Variants in EDNRA observed in about 807,000 individuals in gnomAD.
The protein encoded by EDNRA is endothelin receptor type A.
In EDNRA, 11 loss-of-function variants were observed where a neutral mutation model predicts 41.4. That is an observed-to-expected ratio of 0.27 (90% CI 0.17 to 0.44). The LOEUF (loss-of-function observed/expected upper bound fraction) is 0.44. Among genes scored for constraint, EDNRA ranks in the 20% least tolerant of loss-of-function variants. EDNRA has a pLI of 1.00. For synonymous variants in EDNRA, 172 were observed against 183.0 expected, an observed-to-expected ratio of 0.94 and a Z score of 0.49; for missense variants, 294 against 531.0, an observed-to-expected ratio of 0.55 and a Z score of 4.39.
intron 2 of EDNRA, chr4:147,491,886 T>G (rs1434675341): frequency 5.9e-5 from 9 of 152,256 alleles, no homozygotes; most frequent in African/African-American, 2.2e-4. Context: ...GTATTCCAGC[T>G]AGATGTTTTC....
At chr4:147,510,994 C>T (rs1560904748) in intron 2 of EDNRA, among the ~76,000 whole-genome samples, 2 of 152,112 alleles carry the variant, frequency 1.3e-5, no homozygotes, top group South Asian at 4.1e-4. Flanking sequence ...CTAGTTCTAG[C>T]CTAACATTTC....
chr4:147,536,473 G>T (rs746016352), intron 5 of EDNRA, among the ~76,000 whole-genome samples: 3 of 152,208 alleles, frequency 2.0e-5, no homozygotes, highest in Admixed American at 2.0e-4. Context: ...GCCAGGAAGG[G>T]TATGAGATAG....
chr4:147,519,006 C>G lies in EDNRA; in HGVS notation c.421-845C>G, dbSNP rs1232386772. Among the ~76,000 whole-genome samples, 1 of 152,122 alleles carries G rather than the reference C, an allele frequency of 6.6e-6. No individual in the cohort carries two copies. Among genetic ancestry groups the G allele is most frequent in the Admixed American group, 6.5e-5 (1 of 15,272 alleles). ...GTAGCTATTGTTATGTGTCTGCTAC[C>G]CAGCACAGCCACTAGAGGGTGTCCA... On this transcript the variant is annotated intron_variant, in intron 2 of 7. Coordinates refer to ENST00000651419, the MANE Select transcript of EDNRA (RefSeq NM_001957.4). The surrounding 1 kb of genome is among the most constrained non-coding windows in gnomAD (Gnocchi z 4.1).
Position 147,544,187 on chromosome 4 carries a change from C to A in EDNRA, c.*1569C>A, listed in dbSNP as rs188833104. The A allele has an allele frequency of 1.3e-5, 2 of 152,610 alleles. No homozygotes were observed. Among genetic ancestry groups the A allele is most frequent in the African/African-American group, 4.8e-5 (2 of 41,428 alleles). 9.5% of individuals were successfully genotyped at this position (152,610 alleles called of 1,614,324 possible). A position where few individuals can be genotyped will look rare whatever the true frequency, so the allele number is the denominator to read the frequency against. On this transcript the variant is annotated 3_prime_UTR_variant, in exon 8 of 8. Transcript: ENST00000651419. ...TCTAGGTGATTGTTCATCATGACAA[C>A]CTGCCTCAGTCCATTTTAACCTGTA...
intron 4 of EDNRA, among the ~76,000 whole-genome samples, chr4:147,533,801 C>G (rs1348643166): frequency 6.6e-6 from 1 of 152,106 alleles, no homozygotes; most frequent in African/African-American, 2.4e-5. Flanking sequence ...CTTACTAATC[C>G]TTACAGCCAG....
chr4:147,522,732 T>C (rs1730367928), intron 3 of EDNRA, among the ~76,000 whole-genome samples: 1 of 152,056 alleles, frequency 6.6e-6, no homozygotes, highest in South Asian at 2.1e-4. Flanking sequence ...ACTCAAACCA[T>C]TGTTGATGAA....
At chr4:147,525,909 G>T (rs141295740) in intron 3 of EDNRA, among the ~76,000 whole-genome samples, 1 of 152,314 alleles carries the variant, frequency 6.6e-6, no homozygotes, top group Non-Finnish European at 1.5e-5. Context: ...ATTGATCAGT[G>T]GTCTCTGTGA....
At chr4:147,484,936 T>C (rs1313312088) in intron 1 of EDNRA, among the ~76,000 whole-genome samples, 3 of 152,278 alleles carry the variant, frequency 2.0e-5, no homozygotes, top group African/African-American at 7.2e-5. Flanking sequence ...CATAACACTT[T>C]AGATGGCTAC....
chr4:147,541,067 CAAAAAAAAAAAAAAAAAA>C (rs10551607), intron 7 of EDNRA, among the ~76,000 whole-genome samples: 2,024 of 46,256 alleles, frequency 0.044, 54 homozygotes, highest in Middle Eastern at 0.12. Context: ...GACTCAGTCT[CAAAAAAAAAAAAAAAAAA>C]AAAAAAAAAA....
At chr4:147,494,839 A>G (rs1334744404) in intron 2 of EDNRA, 1 of 152,152 alleles carries the variant, frequency 6.6e-6, no homozygotes, top group Non-Finnish European at 1.5e-5. Context: ...CAGATGAGTG[A>G]CATGAACTTG....
intron 2 of EDNRA, among the ~76,000 whole-genome samples, chr4:147,509,238 C>T (rs1729834934): frequency 6.6e-6 from 1 of 152,150 alleles, no homozygotes; most frequent in African/African-American, 2.4e-5. Context: ...CAGCTTTCTT[C>T]CTGCGAATGT....
At chr4:147,496,934 T>C (rs1393069516) in intron 2 of EDNRA, among the ~76,000 whole-genome samples, 1 of 152,194 alleles carries the variant, frequency 6.6e-6, no homozygotes, top group Non-Finnish European at 1.5e-5. Context: ...ATGTTGAATA[T>C]GTAAGTATAT....
intron 2 of EDNRA, chr4:147,491,726 C>G (rs114348184): frequency 6.6e-6 from 1 of 152,104 alleles, no homozygotes; most frequent in African/African-American, 2.4e-5. Context: ...TCCCTTTTAC[C>G]GCATCATCAA....
At chr4:147,499,898 G>A (rs763992447) in intron 2 of EDNRA, among the ~76,000 whole-genome samples, 37 of 138,162 alleles carry the variant, frequency 2.7e-4, no homozygotes, top group African/African-American at 8.7e-4. Context: ...TCCGCCTCCC[G>A]AGTTCAAGCG....
chr4:147,532,614 T>C lies in EDNRA; in HGVS notation c.657T>C (p.Pro219=). 1 of 1,614,166 alleles carries C rather than the reference T, an allele frequency of 6.2e-7. No homozygotes were observed. Among genetic ancestry groups the C allele is most frequent in the Non-Finnish European group, 8.5e-7 (1 of 1,180,014 alleles). The change falls in exon 4 of 8, where the codon CCT becomes CCC. Residue 219 remains proline (P), a synonymous_variant. Transcript: ENST00000651419. ...TCCTGTCCTTTATCCTGGCCATTCC[T>C]GAAGCGATTGGCTTCGTCATGGTAC... ...IWILSFILAI[P]EAIGFVMVPF...
intron 3 of EDNRA, among the ~76,000 whole-genome samples, chr4:147,530,051 T>C (rs1454236923): frequency 6.6e-6 from 1 of 152,246 alleles, no homozygotes; most frequent in Non-Finnish European, 1.5e-5. Context: ...TGAATTTACA[T>C]TGGATTATGG....
Position 147,543,721 on chromosome 4 carries a change from T to G in EDNRA, c.*1103T>G, listed in dbSNP as rs962402412. The stretch of plus-strand genomic sequence containing the variant: ...TTAAAATGTTAACTGGCAGTAAGTC[T>G]TTTTTGATCATTCCCTTTTCCATAT... On this transcript the variant is annotated 3_prime_UTR_variant, in exon 8 of 8. Transcript: ENST00000651419. 6 of 152,630 alleles carry G rather than the reference T, an allele frequency of 3.9e-5. No homozygotes were observed. Among genetic ancestry groups the G allele is most frequent in the African/African-American group, 1.2e-4 (5 of 41,438 alleles). 9.5% of individuals were successfully genotyped at this position (152,630 alleles called of 1,614,324 possible). A position where few individuals can be genotyped will look rare whatever the true frequency, so the allele number is the denominator to read the frequency against.
intron 2 of EDNRA, among the ~76,000 whole-genome samples, chr4:147,497,380 A>C (rs1401186342): frequency 6.6e-6 from 1 of 152,106 alleles, no homozygotes; most frequent in Admixed American, 6.5e-5. Context: ...TTGCCTTTCA[A>C]GAAAATCTGT....
intron 2 of EDNRA, among the ~76,000 whole-genome samples, chr4:147,509,418 G>C (rs1330461363): frequency 6.6e-6 from 1 of 152,200 alleles, no homozygotes; most frequent in Admixed American, 6.5e-5. Context: ...AGACCTCAAG[G>C]AAGGTTCCCA....
Sources: gnomAD v4.1 joint callset for allele counts (sites outside exome capture counted in the v4.1 genomes callset) on GRCh38, gnomAD v4.1.1 for gene constraint, Gnocchi (gnomAD v3.1) non-coding constraint, MANE v1.5 for transcripts, NCBI Gene and HGNC (gene_info 2026-07-23, HGNC 2026-07-21) for gene names.